Variants in GAP43 observed in about 807,000 individuals in gnomAD.
The protein encoded by GAP43 is growth associated protein 43.
GAP43 carries 6 observed loss-of-function variants against 18.6 expected under a neutral mutation model. The ratio of observed to expected loss-of-function variants is 0.32; its 90% CI spans 0.18 to 0.64. GAP43 has a LOEUF of 0.64. GAP43 is among the 30% of genes least tolerant of loss of function. The pLI is 0.78. For synonymous variants in GAP43, 115 were observed against 111.4 expected (o/e 1.03, Z -0.20); for missense variants, 292 against 295.5 (o/e 0.99, Z 0.09).
chr3:115,672,089 C>A (rs911788464), intron 1 of GAP43, among the ~76,000 whole-genome samples: 1 of 152,088 alleles, frequency 6.6e-6, no homozygotes, highest in Non-Finnish European at 1.5e-5. Context: ...TTATCTACTA[C>A]AAGTAAGTCC....
intron 2 of GAP43, among the ~76,000 whole-genome samples, chr3:115,716,134 C>T (rs183374498): frequency 1.6e-4 from 25 of 152,276 alleles, no homozygotes; most frequent in African/African-American, 5.8e-4. Context: ...TAATTCTTTC[C>T]AGGCAGTTGT....
chr3:115,686,962 T>C (rs1709043052), intron 2 of GAP43, among the ~76,000 whole-genome samples: 1 of 152,172 alleles, frequency 6.6e-6, no homozygotes, highest in South Asian at 2.1e-4. Flanking sequence ...GAGTAAGTAA[T>C]TGCTGAAGGC....
At chr3:115,693,460 C>G (rs1709140731) in intron 2 of GAP43, among the ~76,000 whole-genome samples, 2 of 151,654 alleles carry the variant, frequency 1.3e-5, no homozygotes. Flanking sequence ...CGGGGAGACT[C>G]TGGGACCATT....
At chr3:115,663,482 C>T in intron 1 of GAP43, 1 of 1,134,200 alleles carries the variant, frequency 8.8e-7, no homozygotes, top group Non-Finnish European at 1.1e-6. Flanking sequence ...CCCAGTATTG[C>T]TTTCCCTGCT....
chr3:115,637,552 C>G (rs546545233), intron 1 of GAP43, among the ~76,000 whole-genome samples: 1 of 152,136 alleles, frequency 6.6e-6, no homozygotes, highest in South Asian at 2.1e-4. Flanking sequence ...TTCTACCAAC[C>G]TCTGAAAAGT....
At chr3:115,652,828 G>A (rs997120483) in intron 1 of GAP43, among the ~76,000 whole-genome samples, 3 of 152,154 alleles carry the variant, frequency 2.0e-5, no homozygotes, top group African/African-American at 7.2e-5. Context: ...TGTAATTTTG[G>A]TTCAGACCAC....
chr3:115,629,519 C>T (rs1708236012), intron 1 of GAP43, among the ~76,000 whole-genome samples: 1 of 151,932 alleles, frequency 6.6e-6, no homozygotes, highest in African/African-American at 2.4e-5. Flanking sequence ...TGAAATATTC[C>T]CACTTTCCCT....
intron 1 of GAP43, among the ~76,000 whole-genome samples, chr3:115,675,766 A>T (rs1708875408): frequency 6.9e-6 from 1 of 145,714 alleles, no homozygotes; most frequent in Admixed American, 6.7e-5. Context: ...CTCAAAAAAA[A>T]AAAAAAAAAA....
rs768249330 is a variant in GAP43, at chr3:115,676,294, A to C, written c.312A>C (p.Ala104=). The change falls in exon 2 of 3, where the codon GCA becomes GCC. Residue 104 remains alanine, a synonymous_variant. Transcript: ENST00000305124. ...CCAAGCCTGATGAGCCCGGCAAAGC[A>C]GGAGAAACTCCTTCCGAGGAGAAGA... is the stretch of plus-strand genomic sequence containing the variant. ...TGSKPDEPGK[A]GETPSEEKKG... 2 of 1,614,046 alleles carry C rather than the reference A, an allele frequency of 1.2e-6. No individual in the cohort carries two copies. The highest frequency in any genetic ancestry group is 1.7e-6 in the Non-Finnish European group (2 of 1,180,028).
chr3:115,667,554 A>G (rs1485297698), intron 1 of GAP43, among the ~76,000 whole-genome samples: 1 of 152,204 alleles, frequency 6.6e-6, no homozygotes, highest in African/African-American at 2.4e-5. Flanking sequence ...AACAAAAGAC[A>G]CTTCGCAGTG....
At chr3:115,647,766 A>C (rs1440081528) in intron 1 of GAP43, among the ~76,000 whole-genome samples, 5 of 151,788 alleles carry the variant, frequency 3.3e-5, no homozygotes, top group South Asian at 2.1e-4. Flanking sequence ...AACAAAAAAA[A>C]AAAACGGCCT....
intron 2 of GAP43, among the ~76,000 whole-genome samples, chr3:115,695,875 T>A (rs1259065113): frequency 6.6e-6 from 1 of 152,202 alleles, no homozygotes; most frequent in East Asian, 1.9e-4. Context: ...CTTTCTACTC[T>A]TTGAAACACT....
At chr3:115,636,369 T>G (rs578095937) in intron 1 of GAP43, among the ~76,000 whole-genome samples, 28 of 152,252 alleles carry the variant, frequency 1.8e-4, no homozygotes, top group African/African-American at 6.7e-4. Flanking sequence ...TGTAATGTAT[T>G]TCACATATGC....
At chr3:115,631,730 C>T (rs1170776288) in intron 1 of GAP43, among the ~76,000 whole-genome samples, 2 of 152,176 alleles carry the variant, frequency 1.3e-5, no homozygotes, top group Non-Finnish European at 2.9e-5. Context: ...AAGCAATTCT[C>T]CTGTCTCAGC....
chr3:115,692,571 T>C (rs1709128328), intron 2 of GAP43, among the ~76,000 whole-genome samples: 1 of 152,132 alleles, frequency 6.6e-6, no homozygotes, highest in Non-Finnish European at 1.5e-5. Flanking sequence ...GAGACCACGA[T>C]AGTGGGTAGG....
At chr3:115,709,877 G>C (rs1709412300) in intron 2 of GAP43, among the ~76,000 whole-genome samples, 1 of 149,034 alleles carries the variant, frequency 6.7e-6, no homozygotes, top group African/African-American at 2.6e-5. Flanking sequence ...ACACACATGA[G>C]CAATTGATTT....
intron 1 of GAP43, among the ~76,000 whole-genome samples, chr3:115,663,317 A>G (rs1365125419): frequency 6.6e-6 from 1 of 152,160 alleles, no homozygotes; most frequent in African/African-American, 2.4e-5. Context: ...AAATCCTCAC[A>G]CTCAGGAATA....
intron 1 of GAP43, chr3:115,663,479 T>G: frequency 8.9e-7 from 1 of 1,125,044 alleles, no homozygotes; most frequent in South Asian, 3.1e-5. Context: ...TCTCCCAGTA[T>G]TGCTTTCCCT....
At chr3:115,720,066 A>G (rs1010318227) in intron 2 of GAP43, among the ~76,000 whole-genome samples, 1 of 152,194 alleles carries the variant, frequency 6.6e-6, no homozygotes, top group Non-Finnish European at 1.5e-5. Flanking sequence ...TTATATTACA[A>G]TGCTTTAAAG....
Sources: allele counts gnomAD v4.1 joint callset (sites outside exome capture counted in the v4.1 genomes callset), GRCh38; gene constraint gnomAD v4.1.1; transcripts MANE v1.5; gene names NCBI Gene and HGNC (gene_info 2026-07-23, HGNC 2026-07-21).